THSD4: variants seen among roughly 807,000 people sequenced by gnomAD.
THSD4 encodes the protein thrombospondin type-1 domain-containing protein 4.
In THSD4, 69 loss-of-function variants were observed where a neutral mutation model predicts 119.0. The observed-to-expected ratio is 0.58, with a 90% CI of 0.48 to 0.71. The LOEUF is 0.71. THSD4 is among the 30% of genes least tolerant of loss of function. The pLI is 0.00. For synonymous variants in THSD4, 524 were observed against 540.4 expected (o/e 0.97, Z 0.42); for missense variants, 1,393 against 1,391.1 (o/e 1.00, Z -0.02).
At chr15:71,254,967 C>T (rs367930386) in intron 5 of THSD4, among the ~76,000 whole-genome samples, 10 of 152,178 alleles carry the variant, frequency 6.6e-5, no homozygotes, top group Non-Finnish European at 1.3e-4. Flanking sequence ...GTAATGACCA[C>T]GCTGGGCATT....
rs180717551 is a variant in THSD4 at position 71,723,237 on chromosome 15, C to T, written c.1358-5312C>T. Among the ~76,000 whole-genome samples, 1,040 of 152,290 alleles carry T rather than the reference C, an allele frequency of 6.8e-3. 13 individuals carry two copies. Among genetic ancestry groups the T allele is most frequent in the Admixed American group, 0.012 (182 of 15,302 alleles). ...TTTAGCCATGTAATCAAATTGCCCT[C>T]CAATATGGCTGAGTCTGTTTACATT... On this transcript the variant is annotated intron_variant, in intron 8 of 17. Coordinates refer to ENST00000261862, the MANE Select transcript of THSD4 (RefSeq NM_024817.3).
intron 17 of THSD4, among the ~76,000 whole-genome samples, chr15:71,776,903 C>T (rs2053923660): frequency 6.6e-6 from 1 of 152,108 alleles, no homozygotes; most frequent in Non-Finnish European, 1.5e-5. Flanking sequence ...GGGATTCCCT[C>T]ACATAGAGTT....
rs772196153 is a variant in THSD4 at position 71,297,315 on chromosome 15, C to CTTTTTTTTTT, written c.1015+40608_1015+40609insTTTTTTTTTT. Among the ~76,000 whole-genome samples the CTTTTTTTTTT allele has an allele frequency of 1.0e-3, 142 of 137,674 alleles. 1 individual carries two copies. Among genetic ancestry groups the CTTTTTTTTTT allele is most frequent in the Middle Eastern group, 7.5e-3 (2 of 266 alleles). The allele number at this position is 137,674 out of a possible 152,430, so 90.3% of individuals were successfully genotyped here. ...TATTCAAGTCCTTTGCTCTCCTCTT[C>CTTTTTTTTTT]TTTTTTTTGTTTGTTTGTTTGTTTG... On this transcript the variant is annotated intron_variant, in intron 6 of 17. Coordinates refer to ENST00000261862, the MANE Select transcript of THSD4 (RefSeq NM_024817.3).
chr15:71,371,685 G>A (rs1330471083), intron 6 of THSD4, among the ~76,000 whole-genome samples: 2 of 152,174 alleles, frequency 1.3e-5, no homozygotes, highest in African/African-American at 4.8e-5. Flanking sequence ...TGGGTAAACC[G>A]ACCTTTCTCT....
At chr15:71,307,152 C>A (rs1205509656) in intron 6 of THSD4, among the ~76,000 whole-genome samples, 1 of 152,200 alleles carries the variant, frequency 6.6e-6, no homozygotes, top group Non-Finnish European at 1.5e-5. Context: ...TTGACTGACA[C>A]CCCAACTTTT....
intron 7 of THSD4, among the ~76,000 whole-genome samples, chr15:71,516,657 C>T (rs1011931074): frequency 6.6e-6 from 1 of 152,066 alleles, no homozygotes; most frequent in African/African-American, 2.4e-5. Context: ...ATCTGTGTGC[C>T]ACCTGTACCA....
intron 3 of THSD4, chr15:71,186,899 T>A (rs1319383396): frequency 1.3e-5 from 2 of 152,356 alleles, no homozygotes; most frequent in South Asian, 2.1e-4. Flanking sequence ...TTGATCTAAG[T>A]CTTTCTATTT....
intron 7 of THSD4, among the ~76,000 whole-genome samples, chr15:71,451,001 A>G (rs2047256229): frequency 6.6e-6 from 1 of 152,156 alleles, no homozygotes; most frequent in Non-Finnish European, 1.5e-5. Flanking sequence ...AACATGGCGA[A>G]ACACCGTCTC....
At chr15:71,373,713 T>C (rs1003329668) in intron 6 of THSD4, among the ~76,000 whole-genome samples, 16 of 152,116 alleles carry the variant, frequency 1.1e-4, no homozygotes, top group African/African-American at 3.6e-4. Context: ...GCTACAAGGG[T>C]CCAGGCAGAT....
rs1373600087 is a variant in THSD4, at chr15:71,360,408, C to T, written c.1016-51279C>T. 3.3e-5 allele frequency among the ~76,000 whole-genome samples: 5 copies of T among 152,248 alleles called. No homozygotes were observed. The East Asian group carries it at 5.8e-4, about 18-fold the overall frequency. On this transcript the variant is annotated intron_variant, in intron 6 of 17. Coordinates refer to ENST00000261862, the MANE Select transcript of THSD4 (RefSeq NM_024817.3). ...TCCAGATTCAACACGATGGGTTACT[C>T]GGCTCTATCTCTTCATATGAGAAGC...
chr15:71,470,077 A>G (rs913058987), intron 7 of THSD4, among the ~76,000 whole-genome samples: 1 of 152,240 alleles, frequency 6.6e-6, no homozygotes, highest in African/African-American at 2.4e-5. Flanking sequence ...ACAATCTCAC[A>G]TGTTCAGGCA....
Position 71,709,923 on chromosome 15 carries a change from C to T in THSD4, c.1358-18626C>T, listed in dbSNP as rs73430241. 8.4e-3 allele frequency among the ~76,000 whole-genome samples: 1,280 copies of T among 152,206 alleles called. 20 individuals are homozygous for T. The highest frequency in any genetic ancestry group is 0.028 in the African/African-American group (1,155 of 41,522). ...CAGCCAAGTTTGAGAAGCAGTGATG[C>T]ATGCAGTAGTAAAAGCATCAGGACT... On this transcript the variant is annotated intron_variant, in intron 8 of 17. Coordinates refer to ENST00000261862, the MANE Select transcript of THSD4 (RefSeq NM_024817.3).
intron 6 of THSD4, among the ~76,000 whole-genome samples, chr15:71,267,970 G>C (rs1248415868): frequency 6.6e-6 from 1 of 152,198 alleles, no homozygotes; most frequent in East Asian, 1.9e-4. Flanking sequence ...CAACTTCTTA[G>C]AGACCTACAA....
At chr15:71,650,367 T>C (rs1008284793) in intron 7 of THSD4, among the ~76,000 whole-genome samples, 3 of 152,166 alleles carry the variant, frequency 2.0e-5, no homozygotes, top group African/African-American at 7.2e-5. Context: ...GAGAATGCTG[T>C]TAAACTGCAG....
intron 6 of THSD4, chr15:71,342,963 C>T (rs1175389422): frequency 6.6e-6 from 1 of 152,254 alleles, no homozygotes; most frequent in Non-Finnish European, 1.5e-5. Context: ...TCTTAAGAGA[C>T]AGCCTTTGCC....
At chr15:71,770,789 C>G (rs2053808784) in intron 16 of THSD4, among the ~76,000 whole-genome samples, 1 of 152,158 alleles carries the variant, frequency 6.6e-6, no homozygotes, top group Non-Finnish European at 1.5e-5. Flanking sequence ...GAGTTCTTGT[C>G]TTTTAGAGCT....
At chr15:71,332,935 T>C (rs530016024) in intron 6 of THSD4, among the ~76,000 whole-genome samples, 2 of 127,070 alleles carry the variant, frequency 1.6e-5, no homozygotes, top group African/African-American at 2.8e-5. Flanking sequence ...TTAGTGTTAG[T>C]GTATTTTATG....
intron 7 of THSD4, among the ~76,000 whole-genome samples, chr15:71,441,397 A>ATTTTTTTTTTTTT (rs1215547880): frequency 8.2e-5 from 6 of 73,358 alleles, no homozygotes; most frequent in East Asian, 4.3e-4. Context: ...CACCTGTAGA[A>ATTTTTTTTTTTTT]TTTTTTTTTT....
intron 7 of THSD4, among the ~76,000 whole-genome samples, chr15:71,486,621 T>A (rs1190922082): frequency 3.5e-5 from 2 of 57,840 alleles, no homozygotes; most frequent in African/African-American, 7.1e-5. Flanking sequence ...GTTTTTTTTT[T>A]TTTTTTTTTT....
Sources: allele counts gnomAD v4.1 joint callset (sites outside exome capture counted in the v4.1 genomes callset), GRCh38; gene constraint gnomAD v4.1.1; transcripts MANE v1.5; gene names NCBI Gene and HGNC (gene_info 2026-07-23, HGNC 2026-07-21).